Variants in UVSSA observed in about 807,000 individuals in gnomAD.
The protein encoded by UVSSA is UV-stimulated scaffold protein A.
UVSSA carries 72 observed loss-of-function variants against 73.9 expected under a neutral mutation model. That is an observed-to-expected ratio of 0.97 (90% CI 0.81 to 1.19). UVSSA has a LOEUF of 1.19. UVSSA is among the 50% of genes most tolerant of loss of function. UVSSA has a pLI of 0.00. For missense variants in UVSSA, 1,150 were observed against 965.0 expected, an observed-to-expected ratio of 1.19 and a Z score of -2.54; for synonymous variants, 454 against 391.3, an observed-to-expected ratio of 1.16 and a Z score of -1.89.
At chr4:1,346,741 C>T (rs1002779332), upstream of UVSSA, among the ~76,000 whole-genome samples, 13 of 152,064 alleles carry the variant, frequency 8.5e-5, no homozygotes, top group Non-Finnish European at 1.9e-4. Flanking sequence ...GACCTGGCTG[C>T]GAGCCCGCGG....
At chr4:1,369,569 G>A (rs1266385620) in intron 8 of UVSSA, among the ~76,000 whole-genome samples, 7 of 152,234 alleles carry the variant, frequency 4.6e-5, no homozygotes, top group African/African-American at 1.2e-4. Context: ...TCACTGAGGG[G>A]CCTTTATCTT....
chr4:1,363,846 TAC>T (rs1409374345), intron 7 of UVSSA, among the ~76,000 whole-genome samples: 3 of 152,272 alleles, frequency 2.0e-5, no homozygotes, highest in Non-Finnish European at 4.4e-5. Flanking sequence ...TAACAAAAAT[TAC>T]AGTTTCCAGT....
At chr4:1,349,236 T>A (rs1714275834) in intron 2 of UVSSA, among the ~76,000 whole-genome samples, 1 of 152,262 alleles carries the variant, frequency 6.6e-6, no homozygotes, top group African/African-American at 2.4e-5. Flanking sequence ...ACTTTGTGAA[T>A]GAACACCGAC....
At chr4:1,353,445 A>C in intron 5 of UVSSA, 32 bp downstream of exon 5, 1 of 1,443,276 alleles carries the variant, frequency 6.9e-7, no homozygotes, top group Non-Finnish European at 9.1e-7. Context: ...CTGTGGCGCC[A>C]CCCTGCCCCG....
intron 7 of UVSSA, among the ~76,000 whole-genome samples, chr4:1,361,495 C>T (rs554441827): frequency 2.0e-5 from 3 of 152,362 alleles, no homozygotes; most frequent in East Asian, 1.9e-4. Context: ...GGTGAGGACA[C>T]GCCTATGGTG....
upstream of UVSSA, among the ~76,000 whole-genome samples, chr4:1,346,126 C>T (rs1262480465): frequency 6.6e-6 from 1 of 152,320 alleles, no homozygotes; most frequent in East Asian, 1.9e-4. Flanking sequence ...AGGGGCGGCG[C>T]AGGGAGTCCC....
At chr4:1,354,624 T>C in intron 5 of UVSSA, 111 bp from the exon 6 acceptor site, 1 of 879,878 alleles carries the variant, frequency 1.1e-6, no homozygotes, top group Non-Finnish European at 1.8e-6. Flanking sequence ...CATGGGCGTC[T>C]GGCAGGTTCC....
Position 1,380,151 on chromosome 4 carries a change from G to C in UVSSA, c.1673G>C (p.Gly558Ala). 1 of 1,613,250 alleles carries C rather than the reference G, an allele frequency of 6.2e-7. No homozygotes were observed. The highest frequency in any genetic ancestry group is 8.5e-7 in the Non-Finnish European group (1 of 1,180,022). ...CGGAGCCGCCACATCACTTTTGCCG[G>C]GAAGTTTGAGCCTGTGCAGCACTGG... ...MLRSRHITFA[G>A]KFEPVQHWCR... The change falls in exon 11 of 14, where the codon GGG (glycine) becomes GCG (alanine). Residue 558 changes from glycine (G) to alanine (A), a missense_variant. Gly to Ala is a moderately conservative substitution (Grantham distance 60, BLOSUM62 0). Transcript: ENST00000389851.
At chr4:1,344,926 A>T (rs567911045), upstream of UVSSA, among the ~76,000 whole-genome samples, 10 of 152,274 alleles carry the variant, frequency 6.6e-5, no homozygotes, top group African/African-American at 2.4e-4. Context: ...CGGCAGAGGG[A>T]TCCGCTCCCC....
At chr4:1,371,874 A>T (rs1718082216) in intron 8 of UVSSA, among the ~76,000 whole-genome samples, 1 of 152,176 alleles carries the variant, frequency 6.6e-6, no homozygotes, top group Non-Finnish European at 1.5e-5. Flanking sequence ...GGTGGTTTTG[A>T]CTGTGCTGTA....
chr4:1,388,823 A>G (rs1376410790), downstream of UVSSA: 2 of 152,138 alleles, frequency 1.3e-5, no homozygotes, highest in Non-Finnish European at 2.9e-5. Context: ...ATGGTGTATA[A>G]TCCTTTTTCT....
chr4:1,366,906 C>T (rs1172927151), intron 8 of UVSSA, among the ~76,000 whole-genome samples: 4 of 152,188 alleles, frequency 2.6e-5, no homozygotes, highest in South Asian at 2.1e-4. Flanking sequence ...GTCTCACTCA[C>T]GAGGGTGGGC....
chr4:1,353,094 T>G lies in UVSSA; in HGVS notation c.615T>G (p.Pro205=). The G allele has an allele frequency of 6.2e-7, 1 of 1,613,082 alleles. No homozygotes were observed. Residue 205 remains proline, a synonymous_variant, in exon 5 of 14, where the codon CCT becomes CCG. Coordinates refer to ENST00000389851, the MANE Select transcript of UVSSA (RefSeq NM_020894.4). ...EVESCFRLLV[P]FDFDPNPETE... ...AGAGCTGCTTTAGGCTGCTGGTGCC[T>G]TTTGACTTTGACCCGAACCCGGAGA...
upstream of UVSSA, among the ~76,000 whole-genome samples, chr4:1,346,087 G>A (rs7671242): frequency 0.33 from 49,569 of 152,068 alleles, 8,511 homozygotes; most frequent in Non-Finnish European, 0.39. Context: ...AGCCACTGAC[G>A]CCCAGGGACA....
At chr4:1,357,589 A>T (rs930557490) in intron 7 of UVSSA, among the ~76,000 whole-genome samples, 1 of 152,202 alleles carries the variant, frequency 6.6e-6, no homozygotes, top group Non-Finnish European at 1.5e-5. Flanking sequence ...CGGCCACGGT[A>T]CCAGCGAGGC....
intron 7 of UVSSA, chr4:1,357,841 A>C (rs1475765881): frequency 1.3e-5 from 2 of 152,190 alleles, no homozygotes; most frequent in Non-Finnish European, 2.9e-5. Flanking sequence ...TGCTATATTC[A>C]GGGCCTGGTC....
intron 2 of UVSSA, 50 bp downstream of exon 2, chr4:1,348,239 G>T (rs777126203): frequency 7.0e-7 from 1 of 1,428,128 alleles, no homozygotes; most frequent in Non-Finnish European, 9.9e-7. Context: ...CTGAGCCCAG[G>T]ACACACACAG....
At chr4:1,395,776 C>T (rs981690648) in exon 14 of UVSSA, 3 of 1,614,088 alleles carry the variant, frequency 1.9e-6, no homozygotes, top group Admixed American at 3.3e-5. Flanking sequence ...ACCGTACATT[C>T]TACTCATGGT....
At chr4:1,350,305 T>G (rs1482942225) in intron 3 of UVSSA, among the ~76,000 whole-genome samples, 3 of 152,268 alleles carry the variant, frequency 2.0e-5, no homozygotes, top group Middle Eastern at 3.4e-3. Flanking sequence ...GATCTGCCAC[T>G]GTGGCCTGAA....
Sources: gnomAD v4.1 joint callset for allele counts (sites outside exome capture counted in the v4.1 genomes callset) on GRCh38, gnomAD v4.1.1 for gene constraint, MANE v1.5 for transcripts, NCBI Gene and HGNC (gene_info 2026-07-23, HGNC 2026-07-21) for gene names.